The following ABCC11 variants were observed in gnomAD, a reference collection of about 807,000 sequenced individuals.
ABCC11 encodes the protein ATP binding cassette subfamily C member 11.
A neutral mutation model predicts 149.3 loss-of-function variants in ABCC11; 135 were observed. The ratio of observed to expected loss-of-function variants is 0.90; its 90% CI spans 0.79 to 1.04. The LOEUF is 1.04. Ranked by LOEUF, ABCC11 falls within the 50% of genes least tolerant of loss-of-function variation. The pLI is 0.00. For synonymous variants in ABCC11, 665 were observed against 671.4 expected (o/e 0.99, Z 0.15); for missense variants, 1,680 against 1,722.1 (o/e 0.98, Z 0.43).
rs1354461198 is a variant in ABCC11 at position 48,175,247 on chromosome 16, C to A, written c.3698+11G>T. On this transcript the variant is annotated intron_variant, in intron 26 of 29. Coordinates refer to ENST00000356608, the MANE Select transcript of ABCC11 (RefSeq NM_001370497.1). Reference sequence around the variant, plus strand: ...CACCTCCTGCAGGCTGCCTGCTGGCCCGGCACTCACCTGATGGTTCCTGAG... The same window carrying A: ...CACCTCCTGCAGGCTGCCTGCTGGCACGGCACTCACCTGATGGTTCCTGAG... The A allele has an allele frequency of 6.3e-7, 1 of 1,597,406 alleles. No individual in the cohort carries two copies. The highest frequency in any genetic ancestry group is 1.3e-5 in the African/African-American group (1 of 74,642).
intron 25 of ABCC11, among the ~76,000 whole-genome samples, chr16:48,175,823 G>C (rs1596664291): frequency 6.6e-6 from 1 of 151,284 alleles, no homozygotes; most frequent in African/African-American, 2.4e-5. Flanking sequence ...AGCTCGGCTG[G>C]AGCTGAGCGC....
At chr16:48,241,316 T>G (rs1258528369) in intron 1 of ABCC11, among the ~76,000 whole-genome samples, 4 of 152,144 alleles carry the variant, frequency 2.6e-5, no homozygotes, top group Non-Finnish European at 4.4e-5. Context: ...AAACTCCAAT[T>G]GAATGAACTT....
In ABCC11 at chr16:48,170,931, C is replaced by T; in HGVS notation, c.3735G>A (p.Gln1245=). 6.2e-7 allele frequency: 1 copy of T among 1,614,080 alleles called. No individual in the cohort carries two copies. Among genetic ancestry groups the T allele is most frequent in the Non-Finnish European group, 8.5e-7 (1 of 1,179,914 alleles). Residue 1245 remains glutamine, a synonymous_variant, in exon 27 of 30, where the codon CAG becomes CAA. Coordinates refer to ENST00000356608, the MANE Select transcript of ABCC11 (RefSeq NM_001370497.1). The stretch of plus-strand genomic sequence containing the variant: ...TCCTCTCCAAGGCATCCCAGATCTG[C>T]TGGTCAGTGTGACGGTCAAAGGGAT... The part of the protein sequence containing the change: ...NLDPFDRHTD[Q]QIWDALERTF...
intron 20 of ABCC11, among the ~76,000 whole-genome samples, chr16:48,189,236 G>T (rs1428320518): frequency 5.9e-5 from 9 of 152,236 alleles, no homozygotes; most frequent in Non-Finnish European, 1.0e-4. Context: ...CAGGTGCGGG[G>T]CATGGCAGGG....
In ABCC11 at chr16:48,227,957, C is replaced by T; in HGVS notation, c.244G>A (p.Ala82Thr). The T allele has an allele frequency of 6.2e-7, 1 of 1,610,856 alleles. No individual in the cohort carries two copies. Among genetic ancestry groups the T allele is most frequent in the Non-Finnish European group, 8.5e-7 (1 of 1,178,366 alleles). Residue 82 changes from alanine to threonine, a missense_variant, in exon 4 of 30, where the codon GCC becomes ACC. Transcript: ENST00000356608. ...CCAGCATTGTCCAGGGGCTGGGGGG[C>T]AGGAAACCTAGTAGAGGGGCCACAA... ...IPFRPKPRFP[A>T]PQPLDNAGLF...
chr16:48,199,087 G>C (rs537304850), intron 15 of ABCC11, among the ~76,000 whole-genome samples: 2 of 151,116 alleles, frequency 1.3e-5, no homozygotes, highest in East Asian at 3.9e-4. Context: ...TATCAACATG[G>C]AAGATCTCAA....
chr16:48,203,159 C>T, intron 14 of ABCC11, 69 bp downstream of exon 14: 1 of 1,453,158 alleles, frequency 6.9e-7, no homozygotes, highest in South Asian at 1.2e-5. Context: ...CCCTTCCCTG[C>T]CTGGGGAGGC....
chr16:48,194,091 C>T (rs1277116837), intron 18 of ABCC11, 109 bp from the exon 19 acceptor site: 1 of 755,154 alleles, frequency 1.3e-6, no homozygotes, highest in East Asian at 2.7e-5. Context: ...ACCCTTGAGC[C>T]CCACCCAATG....
At chr16:48,197,785 T>G (rs917450016) in intron 17 of ABCC11, among the ~76,000 whole-genome samples, 186 bp downstream of exon 17, 5 of 152,178 alleles carry the variant, frequency 3.3e-5, no homozygotes, top group African/African-American at 1.2e-4. Context: ...CCTTCAGGCC[T>G]CCTGCCCATC....
intron 1 of ABCC11, among the ~76,000 whole-genome samples, chr16:48,235,425 T>C (rs1172163217): frequency 6.6e-6 from 1 of 152,194 alleles, no homozygotes; most frequent in Non-Finnish European, 1.5e-5. Context: ...TCAAGATTCA[T>C]CCAGGAAACT....
At chr16:48,209,123 G>T (rs1253033777) in intron 11 of ABCC11, among the ~76,000 whole-genome samples, 1 of 152,170 alleles carries the variant, frequency 6.6e-6, no homozygotes, top group Non-Finnish European at 1.5e-5. Context: ...AGATGGGTCA[G>T]CCAGGGAAGG....
intron 23 of ABCC11, among the ~76,000 whole-genome samples, chr16:48,181,486 T>C (rs1385743499): frequency 3.3e-5 from 5 of 152,252 alleles, no homozygotes; most frequent in Non-Finnish European, 5.9e-5. Flanking sequence ...CACAAGTCTA[T>C]GATTTTGAAA....
chr16:48,224,748 C>A (rs534651000), intron 4 of ABCC11, among the ~76,000 whole-genome samples: 2 of 152,146 alleles, frequency 1.3e-5, no homozygotes, highest in South Asian at 2.1e-4. Context: ...CAGGGCCAGG[C>A]GCAGTGGCTC....
At chr16:48,208,581 C>T (rs905165762) in intron 11 of ABCC11, 85 bp from the exon 12 acceptor site, 97 of 1,420,276 alleles carry the variant, frequency 6.8e-5, no homozygotes, top group African/African-American at 4.2e-5. Flanking sequence ...CTGTTTAGAA[C>T]CCAAAACAAC....
At chr16:48,235,050 T>C (rs1250048499) in intron 1 of ABCC11, 1 of 152,228 alleles carries the variant, frequency 6.6e-6, no homozygotes, top group Non-Finnish European at 1.5e-5. Context: ...CATTTATTTT[T>C]CCCTCATTAA....
intron 3 of ABCC11, 149 bp from the exon 4 acceptor site, chr16:48,228,113 C>A: frequency 1.3e-6 from 1 of 750,232 alleles, no homozygotes; most frequent in African/African-American, 1.8e-5. Flanking sequence ...AAATCATAAA[C>A]AACAAAAGTG....
Position 48,216,146 on chromosome 16 carries a change from TG to T in ABCC11, c.918del (p.Ile307SerfsTer14). On this transcript the variant is annotated frameshift_variant, in exon 7 of 30. Coordinates refer to ENST00000356608, the MANE Select transcript of ABCC11 (RefSeq NM_001370497.1). LOFTEE classifies it high-confidence loss of function. ...YFIIGYTAFI[A>X]ILCYLLVFPL... The stretch of plus-strand genomic sequence containing the variant: ...GGGAAAACCAGGAGATAGCATAAGA[TG>T]GCAATAAATGCAGTGTATCCAATAA... 6.2e-7 allele frequency: 1 copy of T among 1,614,148 alleles called. No individual in the cohort carries two copies. Among genetic ancestry groups the T allele is most frequent in the Non-Finnish European group, 8.5e-7 (1 of 1,180,018 alleles).
intron 3 of ABCC11, among the ~76,000 whole-genome samples, chr16:48,228,978 A>C (rs1596839664): frequency 6.6e-6 from 1 of 152,086 alleles, no homozygotes; most frequent in African/African-American, 2.4e-5. Flanking sequence ...AAGAGACTTG[A>C]GGAGAAAGAT....
In ABCC11 at chr16:48,190,171, C is replaced by T. The variant is rs77310591; in HGVS notation, c.2706+2349G>A. ...TCCCGTGATAAACTTTACATATCTA[C>T]GACAATGGCCTGTTTTCTTGTCCAT... On this transcript the variant is annotated intron_variant, in intron 20 of 29. Coordinates refer to ENST00000356608, the MANE Select transcript of ABCC11 (RefSeq NM_001370497.1). Among the ~76,000 whole-genome samples, 1,308 of 152,236 alleles carry T rather than the reference C, an allele frequency of 8.6e-3. 8 individuals carry two copies. The highest frequency in any genetic ancestry group is 0.014 in the Non-Finnish European group (919 of 68,008).
Sources: allele counts gnomAD v4.1 joint callset (sites outside exome capture counted in the v4.1 genomes callset), GRCh38; gene constraint gnomAD v4.1.1; transcripts MANE v1.5; gene names NCBI Gene and HGNC (gene_info 2026-07-23, HGNC 2026-07-21).